Variants in PRDM5 observed in about 807,000 individuals in gnomAD.
The protein encoded by PRDM5 is PR domain zinc finger protein 5.
PRDM5 carries 56 observed loss-of-function variants against 81.2 expected under a neutral mutation model. The ratio of observed to expected loss-of-function variants is 0.69; its 90% CI spans 0.56 to 0.86. PRDM5 has a LOEUF of 0.86. PRDM5 is among the 40% of genes least tolerant of loss of function. The pLI, the probability that PRDM5 is intolerant of heterozygous loss-of-function variation, is 0.00. For synonymous variants in PRDM5, 267 were observed against 256.4 expected, an observed-to-expected ratio of 1.04 and a Z score of -0.39; for missense variants, 697 against 770.1, an observed-to-expected ratio of 0.91 and a Z score of 1.12.
At chr4:120,835,356 G>C (rs764487468) in intron 3 of PRDM5, among the ~76,000 whole-genome samples, 2 of 152,198 alleles carry the variant, frequency 1.3e-5, no homozygotes, top group Non-Finnish European at 2.9e-5. Context: ...AAATGTGTCT[G>C]TGTGTGCATG....
intron 1 of PRDM5, among the ~76,000 whole-genome samples, chr4:120,918,851 T>C (rs895118713): frequency 2.6e-5 from 4 of 152,066 alleles, no homozygotes; most frequent in African/African-American, 7.2e-5. Flanking sequence ...ATGTGCCAAT[T>C]AGATGATGTC....
intron 14 of PRDM5, among the ~76,000 whole-genome samples, chr4:120,713,188 CA>C (rs1304848101): frequency 6.6e-6 from 1 of 152,134 alleles, no homozygotes; most frequent in Non-Finnish European, 1.5e-5. Flanking sequence ...ATCATTTTGA[CA>C]TGACCTTTTC....
intron 1 of PRDM5, among the ~76,000 whole-genome samples, chr4:120,919,350 C>T (rs1212778794): frequency 1.3e-5 from 2 of 152,200 alleles, no homozygotes; most frequent in African/African-American, 4.8e-5. Flanking sequence ...GGGCCTAGTA[C>T]AGTACCTGCC....
intron 8 of PRDM5, among the ~76,000 whole-genome samples, chr4:120,802,821 C>T (rs984623796): frequency 6.6e-6 from 1 of 152,212 alleles, no homozygotes; most frequent in Non-Finnish European, 1.5e-5. Flanking sequence ...CAAAGGAACG[C>T]AGCTCCTTGC....
At chr4:120,864,823 A>G (rs942176814) in intron 2 of PRDM5, among the ~76,000 whole-genome samples, 3 of 152,196 alleles carry the variant, frequency 2.0e-5, no homozygotes, top group African/African-American at 7.2e-5. Flanking sequence ...ATTAAATGGG[A>G]ACAGAAGCAC....
At chr4:120,874,309 A>ATAATAAT (rs1762132319) in intron 2 of PRDM5, among the ~76,000 whole-genome samples, 3 of 152,206 alleles carry the variant, frequency 2.0e-5, no homozygotes, top group African/African-American at 7.2e-5. Flanking sequence ...TGAATATGTA[A>ATAATAAT]AGTTAATAAT....
At chr4:120,866,582 G>A (rs1371624596) in intron 2 of PRDM5, among the ~76,000 whole-genome samples, 1 of 152,118 alleles carries the variant, frequency 6.6e-6, no homozygotes, top group Non-Finnish European at 1.5e-5. Flanking sequence ...TACATATTAA[G>A]CACGTTTAAC....
intron 8 of PRDM5, among the ~76,000 whole-genome samples, chr4:120,803,685 C>A (rs544132055): frequency 2.0e-5 from 3 of 152,150 alleles, no homozygotes; most frequent in East Asian, 1.9e-4. Context: ...GCCTGCCCTA[C>A]AAGAGCTCCT....
chr4:120,921,433 G>T (rs1724897483), intron 1 of PRDM5, among the ~76,000 whole-genome samples: 1 of 152,194 alleles, frequency 6.6e-6, no homozygotes, highest in Non-Finnish European at 1.5e-5. Flanking sequence ...GATGACTGGA[G>T]ATCATGTTGT....
chr4:120,803,012 A>C (rs1325227903), intron 8 of PRDM5, among the ~76,000 whole-genome samples: 1 of 152,284 alleles, frequency 6.6e-6, no homozygotes, highest in African/African-American at 2.4e-5. Context: ...AAGTCCTTAA[A>C]TGACCTGATG....
intron 13 of PRDM5, among the ~76,000 whole-genome samples, chr4:120,773,600 G>A (rs1171981600): frequency 6.6e-6 from 1 of 152,162 alleles, no homozygotes; most frequent in African/African-American, 2.4e-5. Flanking sequence ...TACTGTCACA[G>A]AATAGGCAAA....
chr4:120,699,562 G>A (rs1483022859), intron 15 of PRDM5, among the ~76,000 whole-genome samples: 1 of 152,068 alleles, frequency 6.6e-6, no homozygotes, highest in African/African-American at 2.4e-5. Flanking sequence ...TTGATCACAT[G>A]TGATACTGCA....
intron 2 of PRDM5, among the ~76,000 whole-genome samples, chr4:120,863,731 A>G (rs949990716): frequency 1.3e-5 from 2 of 152,260 alleles, no homozygotes; most frequent in African/African-American, 4.8e-5. Flanking sequence ...AGGAGTAATT[A>G]TAAGAAATTA....
chr4:120,801,880 TA>T (rs1467100857), intron 8 of PRDM5, among the ~76,000 whole-genome samples: 1 of 151,748 alleles, frequency 6.6e-6, no homozygotes, highest in Non-Finnish European at 1.5e-5. Flanking sequence ...GTTTCTGTAA[TA>T]TATATAATTT....
chr4:120,848,859 A>C (rs1235425833), intron 3 of PRDM5, among the ~76,000 whole-genome samples: 1 of 152,192 alleles, frequency 6.6e-6, no homozygotes, highest in Non-Finnish European at 1.5e-5. Flanking sequence ...AATAAAATAC[A>C]AATGCAGACC....
At chr4:120,807,900 G>A (rs554574139) in intron 8 of PRDM5, among the ~76,000 whole-genome samples, 169 of 152,122 alleles carry the variant, frequency 1.1e-3, no homozygotes, top group South Asian at 6.7e-3. Flanking sequence ...TCATGGTCTC[G>A]CTGGCTTCAG....
At position 120,685,620 on chromosome 4, in the gene PRDM5, G is replaced by T. The variant is rs553424225; in HGVS notation, n.104-595C>A. On this transcript the variant is annotated intron_variant and non_coding_transcript_variant, in intron 1 of 1. Transcript: ENST00000513741. ...AGGTGAAATATTTGGAGGAGCTAAG[G>T]CAATACCACTTCTTGAACTCGAACT... is the stretch of plus-strand genomic sequence containing the variant. Among the ~76,000 whole-genome samples the T allele has an allele frequency of 2.3e-4, 35 of 152,046 alleles. No individual in the cohort carries two copies. The East Asian group carries it at 6.6e-3, about 29-fold the overall frequency.
intron 2 of PRDM5, among the ~76,000 whole-genome samples, chr4:120,894,832 A>G (rs1359386670): frequency 6.6e-6 from 1 of 152,140 alleles, no homozygotes; most frequent in African/African-American, 2.4e-5. Context: ...ACTAGAAGAG[A>G]ATTCTGTTTT....
At chr4:120,848,494 T>G (rs1758903369) in intron 3 of PRDM5, among the ~76,000 whole-genome samples, 1 of 152,184 alleles carries the variant, frequency 6.6e-6, no homozygotes, top group African/African-American at 2.4e-5. Flanking sequence ...GTCAGTATCC[T>G]TATCTGACAA....
Sources: gnomAD v4.1 joint callset for allele counts (sites outside exome capture counted in the v4.1 genomes callset) on GRCh38, gnomAD v4.1.1 for gene constraint, MANE v1.5 for transcripts, NCBI Gene and HGNC (gene_info 2026-07-23, HGNC 2026-07-21) for gene names.